The following CLNK variants were observed in gnomAD, a reference collection of about 807,000 sequenced individuals.
The protein encoded by CLNK is cytokine dependent hematopoietic cell linker, also known as cytokine-dependent hematopoietic cell linker.
CLNK carries 74 observed loss-of-function variants against 68.6 expected under a neutral mutation model. The ratio of observed to expected loss-of-function variants is 1.08; its 90% CI spans 0.89 to 1.31. CLNK has a LOEUF of 1.31. Among genes scored for constraint, CLNK ranks in the 50% most tolerant of loss-of-function variants. The probability of loss-of-function intolerance (pLI) is 0.00; values close to 1 mark genes in which losing one functional copy is unlikely to be tolerated. For synonymous variants in CLNK, 198 were observed against 172.2 expected, an observed-to-expected ratio of 1.15 and a Z score of -1.17; for missense variants, 553 against 515.3, an observed-to-expected ratio of 1.07 and a Z score of -0.71.
intron 7 of CLNK, among the ~76,000 whole-genome samples, chr4:10,561,929 A>T (rs1240804383): frequency 6.6e-6 from 1 of 152,166 alleles, no homozygotes; most frequent in East Asian, 1.9e-4. Flanking sequence ...TCATTTAACC[A>T]ATATCTATGG....
chr4:10,580,157 C>T (rs980289560), intron 4 of CLNK, among the ~76,000 whole-genome samples: 2 of 152,136 alleles, frequency 1.3e-5, no homozygotes, highest in African/African-American at 4.8e-5. Flanking sequence ...CTCCACTGAT[C>T]GGATCCATAT....
chr4:10,530,811 T>C (rs1182509520), intron 12 of CLNK, among the ~76,000 whole-genome samples: 1 of 152,030 alleles, frequency 6.6e-6, no homozygotes, highest in African/African-American at 2.4e-5. Flanking sequence ...GATGTGTGGG[T>C]TCCCCCAGCA....
intron 6 of CLNK, among the ~76,000 whole-genome samples, chr4:10,565,268 C>T (rs890646485): frequency 5.9e-5 from 9 of 152,232 alleles, no homozygotes; most frequent in Non-Finnish European, 1.2e-4. Context: ...GTAGTAGATG[C>T]TCAATGAATG....
At chr4:10,719,701 A>C in the CLNK span, among the ~76,000 whole-genome samples, 7 of 152,200 alleles carry the variant, frequency 4.6e-5, no homozygotes, top group Admixed American at 2.0e-4. Flanking sequence ...AGAACTCAAC[A>C]AAACCATCAA....
intron 7 of CLNK, among the ~76,000 whole-genome samples, chr4:10,562,926 A>T (rs1427587222): frequency 6.6e-6 from 1 of 152,140 alleles, no homozygotes; most frequent in African/African-American, 2.4e-5. Context: ...ATGTCTTTAG[A>T]GTCTATAATT....
At chr4:10,639,799 G>T (rs1723237877) in intron 2 of CLNK, among the ~76,000 whole-genome samples, 1 of 152,180 alleles carries the variant, frequency 6.6e-6, no homozygotes, top group Admixed American at 6.5e-5. Context: ...TCACAGAAAG[G>T]TCTGTTGGGT....
chr4:10,613,035 C>G (rs917809405), intron 2 of CLNK, among the ~76,000 whole-genome samples: 2 of 151,920 alleles, frequency 1.3e-5, no homozygotes, highest in African/African-American at 4.8e-5. Flanking sequence ...CAATGTGGGC[C>G]GAGAATTACT....
chr4:10,567,587 T>G (rs1720171387), intron 5 of CLNK, among the ~76,000 whole-genome samples: 1 of 152,126 alleles, frequency 6.6e-6, no homozygotes, highest in Non-Finnish European at 1.5e-5. Flanking sequence ...TTGGACTTAA[T>G]TAAAATGAAA....
At chr4:10,721,596 C>T in the CLNK span, among the ~76,000 whole-genome samples, 3 of 152,252 alleles carry the variant, frequency 2.0e-5, no homozygotes, top group East Asian at 3.9e-4. Flanking sequence ...TGTTCATTTG[C>T]TGATGAAGTC....
At chr4:10,682,531 C>T (rs940640932) in intron 1 of CLNK, among the ~76,000 whole-genome samples, 1 of 152,222 alleles carries the variant, frequency 6.6e-6, no homozygotes, top group Non-Finnish European at 1.5e-5. Flanking sequence ...CATTTGCTCT[C>T]ACTCTCGAAG....
chr4:10,639,760 G>C (rs1214989165), intron 2 of CLNK, among the ~76,000 whole-genome samples: 2 of 152,200 alleles, frequency 1.3e-5, no homozygotes, highest in Non-Finnish European at 2.9e-5. Flanking sequence ...TACCATATTG[G>C]ACAGTGCAGA....
intron 18 of CLNK, among the ~76,000 whole-genome samples, chr4:10,498,469 G>A (rs1279250888): frequency 6.6e-6 from 1 of 152,186 alleles, no homozygotes; most frequent in Non-Finnish European, 1.5e-5. Flanking sequence ...TCCAGCCTGG[G>A]TGACAGAGCA....
chr4:10,554,097 G>T, intron 8 of CLNK, among the ~76,000 whole-genome samples: 2 of 152,178 alleles, frequency 1.3e-5, no homozygotes, highest in East Asian at 3.8e-4. Flanking sequence ...TGTAAGACAT[G>T]CAGGTATAGA....
At chr4:10,513,317 T>A in intron 16 of CLNK, 147 bp downstream of exon 16, 1 of 617,554 alleles carries the variant, frequency 1.6e-6, no homozygotes, top group Non-Finnish European at 2.6e-6. Flanking sequence ...TAAAATACTT[T>A]AAAAATATTA....
intron 15 of CLNK, among the ~76,000 whole-genome samples, chr4:10,515,501 T>A (rs1717800025): frequency 6.6e-6 from 1 of 152,216 alleles, no homozygotes; most frequent in Admixed American, 6.5e-5. Context: ...ACATCATCTT[T>A]TTTAACCCAA....
intron 14 of CLNK, among the ~76,000 whole-genome samples, chr4:10,524,671 G>A (rs1361451392): frequency 1.3e-5 from 2 of 152,216 alleles, no homozygotes; most frequent in Admixed American, 1.3e-4. Flanking sequence ...GGCTTCAGTG[G>A]TAAAGGGCTC....
chr4:10,515,565 A>C (rs910076827), intron 15 of CLNK, among the ~76,000 whole-genome samples: 1 of 152,184 alleles, frequency 6.6e-6, no homozygotes, highest in Non-Finnish European at 1.5e-5. Flanking sequence ...CAGATATGTT[A>C]CTAAAAATGA....
In CLNK at chr4:10,569,021, C is replaced by T. The variant is rs576247961; in HGVS notation, c.150+2720G>A. Reference sequence around the variant, plus strand: ...TGTGACACTATCACAGTAAAAGCAACTGCAATGTGAAATTTTGTGCTAAAG... The same window carrying T: ...TGTGACACTATCACAGTAAAAGCAATTGCAATGTGAAATTTTGTGCTAAAG... On this transcript the variant is annotated intron_variant, in intron 5 of 18. Transcript: ENST00000226951. Among the ~76,000 whole-genome samples the T allele has an allele frequency of 7.2e-5, 11 of 152,280 alleles. No homozygotes were observed. The East Asian group carries it at 1.5e-3, about 21-fold the overall frequency.
intron 18 of CLNK, among the ~76,000 whole-genome samples, chr4:10,493,542 A>G (rs893079881): frequency 2.6e-5 from 4 of 152,170 alleles, no homozygotes; most frequent in Non-Finnish European, 5.9e-5. Context: ...TCCACCTTCA[A>G]GACCAAATCA....
Sources: gnomAD v4.1 joint callset for allele counts (sites outside exome capture counted in the v4.1 genomes callset) on GRCh38, gnomAD v4.1.1 for gene constraint, MANE v1.5 for transcripts, NCBI Gene and HGNC (gene_info 2026-07-23, HGNC 2026-07-21) for gene names.